The following CDH4 variants were observed in gnomAD, a reference collection of about 807,000 sequenced individuals.
The protein encoded by CDH4 is cadherin-4.
CDH4 carries 33 observed loss-of-function variants against 86.0 expected under a neutral mutation model. The ratio of observed to expected loss-of-function variants is 0.38; its 90% CI spans 0.29 to 0.51. CDH4 has a LOEUF of 0.51. Among genes scored for constraint, CDH4 ranks in the 20% least tolerant of loss-of-function variants. The probability of loss-of-function intolerance (pLI) is 0.86; values close to 1 mark genes in which losing one functional copy is unlikely to be tolerated. For synonymous variants in CDH4, 555 were observed against 549.4 expected (o/e 1.01, Z -0.14); for missense variants, 1,114 against 1,307.4 (o/e 0.85, Z 2.28).
At chr20:61,255,477 C>A (rs1458928088) in intron 2 of CDH4, among the ~76,000 whole-genome samples, 4 of 152,214 alleles carry the variant, frequency 2.6e-5, no homozygotes, top group African/African-American at 9.6e-5. Flanking sequence ...AGCTTCAAAA[C>A]TCAGATGACA....
intron 2 of CDH4, among the ~76,000 whole-genome samples, chr20:61,655,279 T>C (rs1024489821): frequency 1.3e-5 from 2 of 152,206 alleles, no homozygotes; most frequent in African/African-American, 4.8e-5. Context: ...TTTTGTGCTT[T>C]AAAGTTGTAT....
At chr20:61,576,149 C>T (rs2086380827) in intron 2 of CDH4, among the ~76,000 whole-genome samples, 1 of 152,192 alleles carries the variant, frequency 6.6e-6, no homozygotes, top group Non-Finnish European at 1.5e-5. Context: ...AACTGGAGCA[C>T]AGCTCCTGGT....
At chr20:61,253,626 G>C (rs1002004121) in intron 1 of CDH4, among the ~76,000 whole-genome samples, 1 of 152,228 alleles carries the variant, frequency 6.6e-6, no homozygotes, top group African/African-American at 2.4e-5. Context: ...GCCTCCCACC[G>C]GGCTGCGGGT....
chr20:61,561,653 A>C (rs2086217308), intron 2 of CDH4, among the ~76,000 whole-genome samples: 2 of 152,198 alleles, frequency 1.3e-5, no homozygotes, highest in African/African-American at 4.8e-5. Context: ...ATAAAGTTTT[A>C]TTGGAACTCA....
At chr20:61,931,966 C>T (rs929661136) in intron 13 of CDH4, among the ~76,000 whole-genome samples, 1 of 152,136 alleles carries the variant, frequency 6.6e-6, no homozygotes, top group African/African-American at 2.4e-5. Flanking sequence ...GTGGGGCTGC[C>T]CTTCTGTCCA....
intron 2 of CDH4, among the ~76,000 whole-genome samples, chr20:61,564,768 G>A (rs890329756): frequency 1.3e-5 from 2 of 152,128 alleles, no homozygotes; most frequent in African/African-American, 4.8e-5. Flanking sequence ...AGCTGGGATC[G>A]GGAAGGAATA....
In CDH4 at chr20:61,759,409, G is replaced by A. The variant is rs543334440; in HGVS notation, c.397-13594G>A. Reference sequence around the variant, plus strand: ...GAGACTGAAACGCCACATGGTGGACGACAGATCCATGAAGCCGGAGGTCCC... The same window carrying A: ...GAGACTGAAACGCCACATGGTGGACAACAGATCCATGAAGCCGGAGGTCCC... On this transcript the variant is annotated intron_variant, in intron 3 of 15. Coordinates refer to ENST00000614565, the MANE Select transcript of CDH4 (RefSeq NM_001794.5). 5.3e-5 allele frequency among the ~76,000 whole-genome samples: 8 copies of A among 152,316 alleles called. 1 individual carries two copies. The South Asian group carries it at 1.2e-3, about 24-fold the overall frequency.
chr20:61,539,879 C>A (rs1190683469), intron 2 of CDH4, among the ~76,000 whole-genome samples: 1 of 152,252 alleles, frequency 6.6e-6, no homozygotes, highest in Non-Finnish European at 1.5e-5. Context: ...CCGAGTGGAT[C>A]TCTGTGCACA....
chr20:61,272,368 A>G lies in CDH4; in HGVS notation c.169+17431A>G, dbSNP rs2084187981. Among the ~76,000 whole-genome samples the G allele has an allele frequency of 2.0e-5, 3 of 152,340 alleles. No homozygotes were observed. The East Asian group carries it at 5.8e-4, about 29-fold the overall frequency. On this transcript the variant is annotated intron_variant, in intron 2 of 15. Coordinates refer to ENST00000614565, the MANE Select transcript of CDH4 (RefSeq NM_001794.5). The stretch of plus-strand genomic sequence containing the variant: ...GGGAGGCTGCAGTCGCCCCCTGTCT[A>G]TCTGCTCCTCTCTGCCAGGCAGAAA...
In CDH4 at chr20:61,810,056, C is replaced by T. The variant is rs1980351967; in HGVS notation, c.577-34612C>T. On this transcript the variant is annotated intron_variant, in intron 4 of 15. Coordinates refer to ENST00000614565, the MANE Select transcript of CDH4 (RefSeq NM_001794.5). This position sits in a 1 kb window ranked among gnomAD's most constrained non-coding sequence, Gnocchi z 4.3. ...CCCATAAAACCTCAGTGACATCCAACCACAAGTGTGTTTCTCACACATCCA... is the reference window on the plus strand; with the variant it reads ...CCCATAAAACCTCAGTGACATCCAATCACAAGTGTGTTTCTCACACATCCA... 6.6e-6 allele frequency among the ~76,000 whole-genome samples: 1 copy of T among 152,236 alleles called. No homozygotes were observed. The highest frequency in any genetic ancestry group is 1.5e-5 in the Non-Finnish European group (1 of 68,042).
intron 2 of CDH4, among the ~76,000 whole-genome samples, chr20:61,400,579 T>C (rs1304441360): frequency 6.6e-6 from 1 of 152,230 alleles, no homozygotes; most frequent in Non-Finnish European, 1.5e-5. Flanking sequence ...CTCTGCTCCA[T>C]ATGGTCACGC....
chr20:61,899,584 C>T (rs923783642), intron 8 of CDH4, among the ~76,000 whole-genome samples: 14 of 152,212 alleles, frequency 9.2e-5, no homozygotes, highest in African/African-American at 2.2e-4. Flanking sequence ...CCTGCCACCA[C>T]GCCCGGCTAA....
At chr20:61,873,280 C>G (rs181336570) in intron 6 of CDH4, among the ~76,000 whole-genome samples, 33 of 152,340 alleles carry the variant, frequency 2.2e-4, no homozygotes, top group African/African-American at 7.0e-4. Context: ...TGTGTCCAGA[C>G]CTATACCAGG....
At chr20:61,641,231 G>A (rs752524024) in intron 2 of CDH4, among the ~76,000 whole-genome samples, 5 of 152,140 alleles carry the variant, frequency 3.3e-5, no homozygotes, top group Non-Finnish European at 7.4e-5. Flanking sequence ...GTGATTTGGG[G>A]GAGTTTTCAG....
At chr20:61,590,990 C>T (rs901290198) in intron 2 of CDH4, among the ~76,000 whole-genome samples, 2 of 152,138 alleles carry the variant, frequency 1.3e-5, no homozygotes, top group African/African-American at 4.8e-5. Context: ...AGATGGCACC[C>T]TCAGAGGCCC....
chr20:61,550,148 C>T (rs143832469), intron 2 of CDH4, among the ~76,000 whole-genome samples: 1 of 150,634 alleles, frequency 6.6e-6, no homozygotes, highest in East Asian at 2.0e-4. Flanking sequence ...AGCCTACCTC[C>T]ATGGCCTCCC....
intron 2 of CDH4, among the ~76,000 whole-genome samples, chr20:61,605,129 A>T (rs564570398): frequency 3.9e-5 from 6 of 152,274 alleles, no homozygotes; most frequent in Admixed American, 3.3e-4. Flanking sequence ...TTAGGCAATG[A>T]GTGTGAGTTA....
intron 2 of CDH4, among the ~76,000 whole-genome samples, chr20:61,322,385 A>T (rs992026068): frequency 2.6e-5 from 4 of 152,138 alleles, no homozygotes; most frequent in African/African-American, 9.7e-5. Flanking sequence ...CGCAGCCCAC[A>T]CCTGCAGCTG....
In CDH4 at chr20:61,729,970, T is replaced by G. The variant is rs901089569; in HGVS notation, c.170-13593T>G. ...CTTTGGAGAAGGTACAGCTGATAGA[T>G]AGTGAATATCCATTTCTTAATAGAC... On this transcript the variant is annotated intron_variant, in intron 2 of 15. Coordinates refer to ENST00000614565, the MANE Select transcript of CDH4 (RefSeq NM_001794.5). Among the ~76,000 whole-genome samples the G allele has an allele frequency of 2.6e-5, 4 of 152,182 alleles. No individual in the cohort carries two copies. The South Asian group carries it at 6.3e-4, about 24-fold the overall frequency.
Sources: allele counts gnomAD v4.1 joint callset (sites outside exome capture counted in the v4.1 genomes callset), GRCh38; gene constraint gnomAD v4.1.1; non-coding constraint Gnocchi (gnomAD v3.1); transcripts MANE v1.5; gene names NCBI Gene and HGNC (gene_info 2026-07-23, HGNC 2026-07-21).